KLRG1: variants seen among roughly 807,000 people sequenced by gnomAD.
The protein encoded by KLRG1 is killer cell lectin like receptor G1, also known as killer cell lectin-like receptor subfamily G member 1.
A neutral mutation model predicts 21.8 loss-of-function variants in KLRG1; 16 were observed. The ratio of observed to expected loss-of-function variants is 0.73; its 90% CI spans 0.50 to 1.11. KLRG1 has a LOEUF of 1.11. KLRG1 is among the 50% of genes most tolerant of loss of function. KLRG1 has a pLI of 0.00. For synonymous variants in KLRG1, 69 were observed against 75.9 expected (o/e 0.91, Z 0.47); for missense variants, 173 against 218.3 (o/e 0.79, Z 1.31).
chr12:9,166,061 A>G, the KLRG1 span: 67 of 1,606,502 alleles, frequency 4.2e-5, no homozygotes, highest in South Asian at 4.4e-4. Context: ...CTTCACTGCC[A>G]CCAACTCCCA....
At chr12:9,183,278 GTT>G in the KLRG1 span, among the ~76,000 whole-genome samples, 1 of 152,130 alleles carries the variant, frequency 6.6e-6, no homozygotes, top group East Asian at 1.9e-4. Flanking sequence ...CATTTTAGCT[GTT>G]CTTGCCACAC....
At chr12:9,210,415 G>A in the KLRG1 span, among the ~76,000 whole-genome samples, 13 of 152,122 alleles carry the variant, frequency 8.5e-5, no homozygotes. Context: ...ATGAGCCTTG[G>A]ACTCTAGACG....
At chr12:9,068,761 C>T in the KLRG1 span, 3 of 1,606,740 alleles carry the variant, frequency 1.9e-6, no homozygotes, top group Non-Finnish European at 2.6e-6. Flanking sequence ...TAATCATAGA[C>T]TTTCACTATG....
the KLRG1 span, among the ~76,000 whole-genome samples, chr12:9,063,004 T>C: frequency 3.3e-5 from 5 of 152,026 alleles, no homozygotes; most frequent in Non-Finnish European, 7.4e-5. Flanking sequence ...TGAGAGAATA[T>C]TGCATAATAG....
chr12:9,005,874 C>T (rs893900913), intron 3 of KLRG1, among the ~76,000 whole-genome samples: 3 of 152,282 alleles, frequency 2.0e-5, no homozygotes, highest in Middle Eastern at 3.4e-3. Flanking sequence ...CCAATGCCAC[C>T]GCTGATCTGC....
the KLRG1 span, chr12:9,135,016 G>A: frequency 6.3e-6 from 1 of 157,864 alleles, no homozygotes; most frequent in African/African-American, 2.4e-5. Context: ...CAGCTGCTGA[G>A]GCAGCGCAGC....
At chr12:9,014,301 A>G (rs1368653207), downstream of KLRG1, among the ~76,000 whole-genome samples, 2 of 152,182 alleles carry the variant, frequency 1.3e-5, no homozygotes, top group African/African-American at 4.8e-5. Context: ...AAATAAGACT[A>G]CATTTAATAA....
At chr12:9,158,527 AGAT>A in the KLRG1 span, 1 of 1,614,008 alleles carries the variant, frequency 6.2e-7, no homozygotes, top group African/African-American at 1.3e-5. Context: ...TCATCAATGA[AGAT>A]GTAGGATCGA....
At chr12:8,998,768 C>T (rs899078125) in intron 3 of KLRG1, among the ~76,000 whole-genome samples, 9 of 151,836 alleles carry the variant, frequency 5.9e-5, no homozygotes, top group African/African-American at 2.2e-4. Flanking sequence ...TTCCAGAATC[C>T]ATTTTGCATA....
At chr12:9,168,910 G>T in the KLRG1 span, 1 of 1,613,870 alleles carries the variant, frequency 6.2e-7, no homozygotes. Flanking sequence ...AGACACGGAA[G>T]GGATGACTGA....
At chr12:8,975,895 T>G (rs186638845) in intron 1 of KLRG1, among the ~76,000 whole-genome samples, 2 of 152,104 alleles carry the variant, frequency 1.3e-5, no homozygotes, top group Non-Finnish European at 2.9e-5. Context: ...TGTTTGTTGA[T>G]TTTTATCTTT....
chr12:9,183,274 A>T, the KLRG1 span, among the ~76,000 whole-genome samples: 1 of 152,222 alleles, frequency 6.6e-6, no homozygotes, highest in Non-Finnish European at 1.5e-5. Context: ...AGTGCATTTT[A>T]GCTGTTCTTG....
At chr12:9,073,628 G>A in the KLRG1 span, among the ~76,000 whole-genome samples, 47,543 of 151,972 alleles carry the variant, frequency 0.31, 7,867 homozygotes, top group Admixed American at 0.36. Flanking sequence ...CATTTTTTCC[G>A]TTTTAGGGTA....
At chr12:9,059,648 C>T in the KLRG1 span, among the ~76,000 whole-genome samples, 139 of 152,264 alleles carry the variant, frequency 9.1e-4, no homozygotes, top group African/African-American at 3.2e-3. Flanking sequence ...TAAGCCCTGA[C>T]ATCTTTATTT....
chr12:8,950,150 C>T (rs1196084055), exon 1 of KLRG1: 1 of 152,236 alleles, frequency 6.6e-6, no homozygotes, highest in Non-Finnish European at 1.5e-5. Context: ...CACTGTTGAC[C>T]CCTAGACGAG....
chr12:9,165,371 G>A, the KLRG1 span: 14 of 1,613,646 alleles, frequency 8.7e-6, no homozygotes, highest in Non-Finnish European at 1.1e-5. Flanking sequence ...TGATGAGCTG[G>A]GGAGGAGGGC....
chr12:9,161,185 G>T, the KLRG1 span: 3 of 1,314,638 alleles, frequency 2.3e-6, no homozygotes, highest in Non-Finnish European at 3.2e-6. Flanking sequence ...TGATTATAAT[G>T]TAGTGAGAGC....
Position 8,972,392 on chromosome 12 carries a change from C to T in KLRG1, c.-155-19814C>T, listed in dbSNP as rs758359953. 7.2e-5 allele frequency among the ~76,000 whole-genome samples: 11 copies of T among 152,244 alleles called. No homozygotes were observed. In the South Asian group the frequency reaches 1.0e-3, roughly 14 times the overall value. On this transcript the variant is annotated intron_variant, in intron 1 of 4. Coordinates refer to the KLRG1 transcript ENST00000539240. ...CAGGATGGTCTCGATCTCCTAACCT[C>T]GTGATCCGCCCCTGCCTCGGCATCC...
At chr12:9,076,910 A>G in the KLRG1 span, 3 of 1,606,412 alleles carry the variant, frequency 1.9e-6, no homozygotes, top group Non-Finnish European at 2.6e-6. Context: ...ACTCCAGGCA[A>G]AACAGGGCAT....
Sources: allele counts gnomAD v4.1 joint callset (sites outside exome capture counted in the v4.1 genomes callset), GRCh38; gene constraint gnomAD v4.1.1; transcripts MANE v1.5; gene names NCBI Gene and HGNC (gene_info 2026-07-23, HGNC 2026-07-21).